Variants in NDUFC1 observed in about 807,000 individuals in gnomAD.
NDUFC1 encodes NADH dehydrogenase [ubiquinone] 1 subunit C1, mitochondrial.
In NDUFC1, 11 loss-of-function variants were observed where a neutral mutation model predicts 11.6. The ratio of observed to expected loss-of-function variants is 0.95; its 90% CI spans 0.60 to 1.58. The LOEUF (loss-of-function observed/expected upper bound fraction) is 1.58, where lower values mean the gene tolerates loss of function less well. Among genes scored for constraint, NDUFC1 ranks in the 40% most tolerant of loss-of-function variants. The pLI, the probability that NDUFC1 is intolerant of heterozygous loss-of-function variation, is 0.00. For synonymous variants in NDUFC1, 52 were observed against 42.2 expected (o/e 1.23, Z -0.90); for missense variants, 112 against 93.0 (o/e 1.20, Z -0.84).
chr4:139,292,822 A>ATATT (rs1412020027), intron 4 of NDUFC1, among the ~76,000 whole-genome samples: 17 of 150,882 alleles, frequency 1.1e-4, no homozygotes, highest in Non-Finnish European at 1.8e-4. Context: ...ATATATATAT[A>ATATT]TATTTATTTA....
chr4:139,291,505 G>T (rs1173755811), intron 5 of NDUFC1, among the ~76,000 whole-genome samples: 1 of 151,972 alleles, frequency 6.6e-6, no homozygotes, highest in African/African-American at 2.4e-5. Context: ...AACCTGGGAG[G>T]CGGAGGTTGC....
At chr4:139,299,309 G>A (rs989336464) in intron 1 of NDUFC1, among the ~76,000 whole-genome samples, 1 of 150,780 alleles carries the variant, frequency 6.6e-6, no homozygotes, top group Non-Finnish European at 1.5e-5. Context: ...TTAATAAGAT[G>A]TAACAGTCTC....
At chr4:139,295,288 CAA>C in intron 3 of NDUFC1, 142 bp from the exon 4 acceptor site, 1 of 683,748 alleles carries the variant, frequency 1.5e-6, no homozygotes, top group Non-Finnish European at 2.6e-6. Context: ...AATAGAGGTT[CAA>C]AGAGATCAAG....
At chr4:139,301,628 G>A (rs935807703) in intron 1 of NDUFC1, 12 of 804,182 alleles carry the variant, frequency 1.5e-5, no homozygotes, top group South Asian at 1.7e-5. Flanking sequence ...AGGTGTCCGG[G>A]TAGGGCAACG....
intron 1 of NDUFC1, chr4:139,301,595 A>G (rs1745743597): frequency 1.5e-6 from 1 of 654,030 alleles, no homozygotes; most frequent in African/African-American, 1.9e-5. Context: ...GTGAGAAAGG[A>G]AAAAAGACAA....
intron 1 of NDUFC1, among the ~76,000 whole-genome samples, chr4:139,298,174 T>G (rs966491419): frequency 6.6e-6 from 1 of 152,206 alleles, no homozygotes; most frequent in African/African-American, 2.4e-5. Flanking sequence ...GCGCCCTGGC[T>G]CACGCCTGTA....
chr4:139,300,506 A>G (rs780673199), intron 1 of NDUFC1: 7 of 152,256 alleles, frequency 4.6e-5, no homozygotes, highest in Middle Eastern at 3.2e-3. Flanking sequence ...TCAAAAACCA[A>G]AGGTTAAAAG....
At chr4:139,300,845 CAACGA>C (rs1745684131) in intron 1 of NDUFC1, 1 of 152,246 alleles carries the variant, frequency 6.6e-6, no homozygotes, top group East Asian at 1.9e-4. Context: ...ATGGCCTCAA[CAACGA>C]AATTAAAACA....
chr4:139,302,253 G>A (rs34595150), intron 1 of NDUFC1, 163 bp downstream of exon 1: 20,522 of 177,138 alleles, frequency 0.12, 1,602 homozygotes, highest in Non-Finnish European at 0.16. Flanking sequence ...GATGCAGCAG[G>A]CTCATTCATT....
At chr4:139,299,009 G>A (rs1015143623) in intron 1 of NDUFC1, among the ~76,000 whole-genome samples, 1 of 151,316 alleles carries the variant, frequency 6.6e-6, no homozygotes, top group African/African-American at 2.4e-5. Context: ...TCACTCTGTT[G>A]TCCAGGCTGG....
intron 1 of NDUFC1, chr4:139,301,936 C>T: frequency 1.6e-6 from 2 of 1,261,222 alleles, no homozygotes; most frequent in South Asian, 1.4e-5. Context: ...CCGCCCGGGA[C>T]CCCGCCTTCA....
rs372842367 is a variant in NDUFC1 at position 139,301,606 on chromosome 4, C to G, written c.-222+810G>C. 4.0e-5 allele frequency: 27 copies of G among 670,266 alleles called. No individual in the cohort carries two copies. The East Asian group carries it at 6.9e-4, about 17-fold the overall frequency. 41.5% of individuals were successfully genotyped at this position (670,266 alleles called of 1,614,324 possible). A position where few individuals can be genotyped will look rare whatever the true frequency, so the allele number is the denominator to read the frequency against. On this transcript the variant is annotated intron_variant, in intron 1 of 5. Transcript: ENST00000394223. ...TTAAGTGAGAAAGGAAAAAAGACAACGAGGAAAAAGGAGGTGTCCGGGTAG... is the reference window on the plus strand; with the variant it reads ...TTAAGTGAGAAAGGAAAAAAGACAAGGAGGAAAAAGGAGGTGTCCGGGTAG...
intron 4 of NDUFC1, among the ~76,000 whole-genome samples, chr4:139,292,965 C>T (rs746907886): frequency 5.3e-5 from 8 of 151,938 alleles, no homozygotes; most frequent in Non-Finnish European, 7.4e-5. Flanking sequence ...GGATTACAGG[C>T]GCCTGCCACC....
At chr4:139,302,170 A>G (rs1020119687) in intron 1 of NDUFC1, 8 of 279,884 alleles carry the variant, frequency 2.9e-5, no homozygotes, top group Non-Finnish European at 5.3e-5. Context: ...CACCGGCAGG[A>G]GTCGCGGCCC....
intron 4 of NDUFC1, among the ~76,000 whole-genome samples, chr4:139,294,651 C>T (rs1406455452): frequency 6.6e-6 from 1 of 150,774 alleles, no homozygotes; most frequent in African/African-American, 2.4e-5. Flanking sequence ...AGGAGAATGG[C>T]GTGAACCCGC....
chr4:139,294,501 C>T (rs372443070), intron 4 of NDUFC1, among the ~76,000 whole-genome samples: 4 of 151,750 alleles, frequency 2.6e-5, no homozygotes, highest in African/African-American at 9.7e-5. Flanking sequence ...CTTTGGGAGG[C>T]CGAGGCGGGC....
intron 1 of NDUFC1, chr4:139,302,085 G>C (rs898130673): frequency 2.5e-6 from 1 of 399,510 alleles, no homozygotes. Flanking sequence ...CGACCTCCCG[G>C]CTTCTAGACT....
intron 2 of NDUFC1, among the ~76,000 whole-genome samples, chr4:139,296,883 C>T (rs1295314729): frequency 1.3e-5 from 2 of 152,190 alleles, no homozygotes; most frequent in Admixed American, 1.3e-4. Flanking sequence ...GTTAGCAAAT[C>T]TCCTATATTC....
At chr4:139,294,130 A>G (rs947236018) in intron 4 of NDUFC1, among the ~76,000 whole-genome samples, 1 of 151,512 alleles carries the variant, frequency 6.6e-6, no homozygotes, top group Non-Finnish European at 1.5e-5. Context: ...TTTTTGGTAG[A>G]GACGAGGTTT....
Sources: gnomAD v4.1 joint callset for allele counts (sites outside exome capture counted in the v4.1 genomes callset) on GRCh38, gnomAD v4.1.1 for gene constraint, MANE v1.5 for transcripts, NCBI Gene and HGNC (gene_info 2026-07-23, HGNC 2026-07-21) for gene names.